Variants in ZER1 observed in about 807,000 individuals in gnomAD.
ZER1 encodes zyg-11 related cell cycle regulator.
A neutral mutation model predicts 78.8 loss-of-function variants in ZER1; 11 were observed. That is an observed-to-expected ratio of 0.14 (90% confidence interval 0.09 to 0.23). The LOEUF is 0.23. Among genes scored for constraint, ZER1 ranks in the 10% least tolerant of loss-of-function variants. The pLI, the probability that ZER1 is intolerant of heterozygous loss-of-function variation, is 1.00. For missense variants in ZER1, 588 were observed against 996.9 expected, an observed-to-expected ratio of 0.59 and a Z score of 5.52; for synonymous variants, 400 against 407.0, an observed-to-expected ratio of 0.98 and a Z score of 0.21.
intron 8 of ZER1, chr9:128,745,776 A>G (rs1863468820): frequency 1.3e-5 from 2 of 152,110 alleles, no homozygotes; most frequent in South Asian, 2.1e-4. Flanking sequence ...CTCAGCTTCC[A>G]AGGTGGCTGG....
Position 128,741,525 on chromosome 9 carries a change from T to C in ZER1, c.1737+10A>G. ...CTGAGGCAGCTGCTGCTGCAGGAGG[T>C]GGACACTACCTTCAGGCAGTCCAGG... is the stretch of plus-strand genomic sequence containing the variant. On this transcript the variant is annotated intron_variant, in intron 11 of 15. Transcript: ENST00000291900. The C allele has an allele frequency of 6.2e-7, 1 of 1,613,846 alleles. No homozygotes were observed. Among genetic ancestry groups the C allele is most frequent in the Non-Finnish European group, 8.5e-7 (1 of 1,179,892 alleles).
chr9:128,741,422 T>G, intron 11 of ZER1, 113 bp downstream of exon 11: 1 of 1,507,620 alleles, frequency 6.6e-7, no homozygotes, highest in South Asian at 1.2e-5. Flanking sequence ...ACTGCCCTTC[T>G]CCAGGAAGCA....
chr9:128,745,331 C>T lies in ZER1; in HGVS notation c.1360-2586G>A, dbSNP rs1180327614. 4.6e-5 allele frequency among the ~76,000 whole-genome samples: 7 copies of T among 151,026 alleles called. No homozygotes were observed. In the East Asian group the frequency reaches 1.4e-3, roughly 29 times the overall value. ...CCTCCTGAGTAGCTGGGACTACAGG[C>T]GCACATCACCACATCTGGCCAATTA... On this transcript the variant is annotated intron_variant, in intron 8 of 15. Coordinates refer to ENST00000291900, the MANE Select transcript of ZER1 (RefSeq NM_006336.4).
At chr9:128,771,517 C>T (rs1260380421) in intron 1 of ZER1, 64 bp downstream of exon 1, 2 of 152,606 alleles carry the variant, frequency 1.3e-5, no homozygotes, top group East Asian at 1.9e-4. Flanking sequence ...TGCTTAGGCC[C>T]CGTAGGCAGG....
Position 128,754,056 on chromosome 9 carries a change from AC to A in ZER1, c.159-98del, listed in dbSNP as rs1863779586. 6.9e-7 allele frequency: 1 copy of A among 1,448,272 alleles called. No homozygotes were observed. The highest frequency in any genetic ancestry group is 9.3e-7 in the Non-Finnish European group (1 of 1,075,688). The allele number at this position is 1,448,272 out of a possible 1,614,324, so 89.7% of individuals were successfully genotyped here. On this transcript the variant is annotated intron_variant, in intron 2 of 15. Coordinates refer to ENST00000291900, the MANE Select transcript of ZER1 (RefSeq NM_006336.4). This position sits in a 1 kb window ranked among gnomAD's most constrained non-coding sequence, Gnocchi z 4.3. ...CCTCCCCCTGAAGCTTTCTTGGATC[AC>A]CCCAAGTAGCAACCTCCTTCTCCTA...
In ZER1 at chr9:128,761,973, G is replaced by C. The variant is rs138957270; in HGVS notation, c.-94-6314C>G. On this transcript the variant is annotated intron_variant, in intron 1 of 15. Coordinates refer to ENST00000291900, the MANE Select transcript of ZER1 (RefSeq NM_006336.4). ...GCTGTGTAAACTAGACTGGAACCTGGTCTCGTGGAATCCCTCACATCTCTT... is the reference window on the plus strand; with the variant it reads ...GCTGTGTAAACTAGACTGGAACCTGCTCTCGTGGAATCCCTCACATCTCTT... 1.2e-3 allele frequency among the ~76,000 whole-genome samples: 189 copies of C among 152,296 alleles called. 3 individuals are homozygous for C. In the East Asian group the frequency reaches 0.031, roughly 25 times the overall value.
rs568596617 is a variant in ZER1, at chr9:128,735,503, C to T, written c.2043-72G>A. On this transcript the variant is annotated intron_variant, in intron 13 of 15. Coordinates refer to ENST00000291900, the MANE Select transcript of ZER1 (RefSeq NM_006336.4). ...GTGTGTCTTTTCTTGTCTGAGGTTT[C>T]CTCCCACTGGAGAATCCTAGTGACC... 2.6e-5 allele frequency: 37 copies of T among 1,443,326 alleles called. No individual in the cohort carries two copies. The South Asian group carries it at 4.4e-4, about 17-fold the overall frequency. The allele number at this position is 1,443,326 out of a possible 1,614,324, so 89.4% of individuals were successfully genotyped here.
intron 13 of ZER1, among the ~76,000 whole-genome samples, chr9:128,737,573 T>A (rs560112802): frequency 6.6e-6 from 1 of 152,180 alleles, no homozygotes; most frequent in African/African-American, 2.4e-5. Flanking sequence ...CACAAAACAG[T>A]AGGAATTGAT....
chr9:128,738,001 C>G lies in ZER1; in HGVS notation c.2042+1930G>C, dbSNP rs575435771. Reference sequence around the variant, plus strand: ...TACAGGTGTGAGCCACTGTGCCCGGCCCTGTTTTGTTTTCTTGTTTTTTTT... The same window carrying G: ...TACAGGTGTGAGCCACTGTGCCCGGGCCTGTTTTGTTTTCTTGTTTTTTTT... On this transcript the variant is annotated intron_variant, in intron 13 of 15. Coordinates refer to ENST00000291900, the MANE Select transcript of ZER1 (RefSeq NM_006336.4). Among the ~76,000 whole-genome samples, 29 of 151,730 alleles carry G rather than the reference C, an allele frequency of 1.9e-4. No homozygotes were observed. In the East Asian group the frequency reaches 4.3e-3, roughly 22 times the overall value.
At chr9:128,742,808 G>C (rs796313337) in intron 8 of ZER1, 63 bp from the exon 9 acceptor site, 6 of 1,503,234 alleles carry the variant, frequency 4.0e-6, no homozygotes, top group South Asian at 1.2e-5. Flanking sequence ...AGGGCTCTAG[G>C]AACTATCTAG....
At chr9:128,766,705 G>A (rs2132491085) in intron 1 of ZER1, among the ~76,000 whole-genome samples, 1 of 151,880 alleles carries the variant, frequency 6.6e-6, no homozygotes, top group African/African-American at 2.4e-5. Context: ...AATTAGCCAG[G>A]CATGGTGGCG....
In ZER1 at chr9:128,742,744, A is replaced by T. The variant is rs1391143290; in HGVS notation, c.1361T>A (p.Val454Glu). ...NGMESYQEVT[V>E]QRNCCLTLCN... ...GAGCGTCAGGCAGCAGTTCCGCTGC[A>T]CCTGGGCCGGGACAGGACACAAGTG... Residue 454 changes from valine (V) to glutamate (E), a missense_variant and splice_region_variant, in exon 9 of 16, where the codon GTG (valine) becomes GAG (glutamate). Transcript: ENST00000291900. The T allele has an allele frequency of 3.1e-6, 5 of 1,604,350 alleles. No homozygotes were observed. The highest frequency in any genetic ancestry group is 4.3e-6 in the Non-Finnish European group (5 of 1,175,900).
At chr9:128,747,691 G>A (rs1863540184) in intron 8 of ZER1, among the ~76,000 whole-genome samples, 1 of 152,140 alleles carries the variant, frequency 6.6e-6, no homozygotes, top group South Asian at 2.1e-4. Context: ...TCAGCTCACT[G>A]AAATCTCCAC....
rs920685092 is a variant in ZER1, at chr9:128,753,105, T to G, written c.746+59A>C. 4.1e-6 allele frequency: 6 copies of G among 1,459,180 alleles called. No homozygotes were observed. In the Admixed American group the frequency reaches 9.2e-5, roughly 22 times the overall value. The allele number at this position is 1,459,180 out of a possible 1,614,324, so 90.4% of individuals were successfully genotyped here. A position where few individuals can be genotyped will look rare whatever the true frequency, so the allele number is the denominator to read the frequency against. On this transcript the variant is annotated intron_variant, in intron 4 of 15. Coordinates refer to ENST00000291900, the MANE Select transcript of ZER1 (RefSeq NM_006336.4). This position sits in a 1 kb window ranked among gnomAD's most constrained non-coding sequence, Gnocchi z 7.5. ...CTGAGGGCGTGACAACACCCACCTC[T>G]ACTCCTCCCCACCTGCCCCCCAAAC...
intron 1 of ZER1, among the ~76,000 whole-genome samples, chr9:128,761,444 A>T: frequency 6.6e-6 from 1 of 150,632 alleles, no homozygotes. Flanking sequence ...CTGCCCCTAC[A>T]CCCGGCTAAT....
At chr9:128,763,824 C>T (rs888505598) in intron 1 of ZER1, among the ~76,000 whole-genome samples, 7 of 152,146 alleles carry the variant, frequency 4.6e-5, no homozygotes, top group African/African-American at 7.2e-5. Context: ...TCCGTCTCTA[C>T]TAAAAATACA....
chr9:128,736,288 G>A (rs1339230976), intron 13 of ZER1, among the ~76,000 whole-genome samples: 3 of 152,016 alleles, frequency 2.0e-5, no homozygotes, highest in Non-Finnish European at 4.4e-5. Flanking sequence ...GTTTCACTAT[G>A]TTGGCCAGGT....
intron 1 of ZER1, among the ~76,000 whole-genome samples, chr9:128,763,232 G>A (rs1864102961): frequency 6.6e-6 from 1 of 152,136 alleles, no homozygotes; most frequent in South Asian, 2.1e-4. Context: ...CATGATCTTT[G>A]AACTCTCCTT....
In ZER1 at chr9:128,751,427, T is replaced by C; in HGVS notation, c.1024A>G (p.Ile342Val). Residue 342 changes from isoleucine to valine, a missense_variant, in exon 6 of 16, where the codon ATT (isoleucine) becomes GTT (valine). Ile to Val is a conservative substitution (Grantham distance 29). Transcript: ENST00000291900. The surrounding 1 kb of genome is among the most constrained non-coding windows in gnomAD (Gnocchi z 5.4). ...FENSLCRLTH[I>V]PAYKVSGDKN... ...CCACTGCTCACTTTGTAGGCTGGAA[T>C]GTGCGTGAGGCGGCACAGAGAGTTC... The C allele has an allele frequency of 6.2e-7, 1 of 1,614,080 alleles. No individual in the cohort carries two copies.
Sources: allele counts gnomAD v4.1 joint callset (sites outside exome capture counted in the v4.1 genomes callset), GRCh38; gene constraint gnomAD v4.1.1; non-coding constraint Gnocchi (gnomAD v3.1); transcripts MANE v1.5; gene names NCBI Gene and HGNC (gene_info 2026-07-23, HGNC 2026-07-21).